AGBL4: variants seen among roughly 807,000 people sequenced by gnomAD.
AGBL4 encodes AGBL carboxypeptidase 4, also known as cytosolic carboxypeptidase 6.
AGBL4 carries 58 observed loss-of-function variants against 66.4 expected under a neutral mutation model. The ratio of observed to expected loss-of-function variants is 0.87; its 90% CI spans 0.71 to 1.09. The LOEUF is 1.09. Ranked by LOEUF, AGBL4 falls within the 50% of genes least tolerant of loss-of-function variation. AGBL4 has a pLI of 0.00. For missense variants in AGBL4, 579 were observed against 631.0 expected, an observed-to-expected ratio of 0.92 and a Z score of 0.88; for synonymous variants, 234 against 222.9, an observed-to-expected ratio of 1.05 and a Z score of -0.44.
chr1:49,957,343 G>C (rs1656698116), intron 1 of AGBL4, among the ~76,000 whole-genome samples: 1 of 152,032 alleles, frequency 6.6e-6, no homozygotes, highest in Non-Finnish European at 1.5e-5. Flanking sequence ...CTGTTGATTT[G>C]GGGTGGAGAG....
chr1:49,838,279 T>C (rs1476543934), intron 2 of AGBL4, among the ~76,000 whole-genome samples: 1 of 152,142 alleles, frequency 6.6e-6, no homozygotes, highest in African/African-American at 2.4e-5. Flanking sequence ...GGCAAAACCA[T>C]GAATGTAGGT....
Position 49,414,955 on chromosome 1 carries a change from T to C in AGBL4, c.283-169091A>G, listed in dbSNP as rs540713474. 2.7e-4 allele frequency among the ~76,000 whole-genome samples: 41 copies of C among 152,276 alleles called. No individual in the cohort carries two copies. The South Asian group carries it at 3.9e-3, about 15-fold the overall frequency. On this transcript the variant is annotated intron_variant, in intron 3 of 13. Transcript: ENST00000371839. ...TATAAGGATGACAATAATATTTACT[T>C]GAGTCTGAGGCATCATCAAATGCTA...
At chr1:49,405,848 T>A (rs754284018) in intron 3 of AGBL4, among the ~76,000 whole-genome samples, 82 of 152,242 alleles carry the variant, frequency 5.4e-4, no homozygotes, top group Non-Finnish European at 1.0e-3. Context: ...CAGTACATGA[T>A]GCCATTTGTA....
intron 11 of AGBL4, chr1:48,586,730 G>T (rs965514721): frequency 7.4e-6 from 3 of 403,394 alleles, no homozygotes; most frequent in Non-Finnish European, 1.4e-5. Flanking sequence ...GAGAAGAGAG[G>T]GGAGAGAGAT....
At chr1:48,805,648 T>C (rs942426732) in intron 6 of AGBL4, among the ~76,000 whole-genome samples, 6 of 152,172 alleles carry the variant, frequency 3.9e-5, no homozygotes, top group Non-Finnish European at 1.5e-5. Flanking sequence ...TGTGTGATTT[T>C]CCAGCTATGT....
chr1:49,806,604 T>C (rs1170840639), intron 2 of AGBL4, among the ~76,000 whole-genome samples: 2 of 152,212 alleles, frequency 1.3e-5, no homozygotes, highest in African/African-American at 2.4e-5. Flanking sequence ...TGGGAGAGAA[T>C]ACTAATGGTG....
intron 2 of AGBL4, among the ~76,000 whole-genome samples, chr1:49,786,291 C>T (rs1644453359): frequency 6.6e-6 from 1 of 152,026 alleles, no homozygotes; most frequent in Non-Finnish European, 1.5e-5. Flanking sequence ...TTTTATCTTA[C>T]GGTTATGAGC....
chr1:49,305,696 T>C (rs1315946324), intron 3 of AGBL4, among the ~76,000 whole-genome samples: 3 of 31,740 alleles, frequency 9.5e-5, no homozygotes, highest in Non-Finnish European at 3.2e-4. Flanking sequence ...TAATCATTCC[T>C]TTTTTTTTTT....
At chr1:49,962,259 A>T (rs1657179243) in intron 1 of AGBL4, among the ~76,000 whole-genome samples, 1 of 152,166 alleles carries the variant, frequency 6.6e-6, no homozygotes, top group Non-Finnish European at 1.5e-5. Flanking sequence ...GTTGTCTAAT[A>T]AAAAGAATCT....
chr1:49,948,065 A>AATATATAAAT lies in AGBL4; in HGVS notation c.34+75697_34+75698insATTTATATAT, dbSNP rs1655533628. Among the ~76,000 whole-genome samples the AATATATAAAT allele has an allele frequency of 1.5e-3, 99 of 64,122 alleles. 2 individuals are homozygous for AATATATAAAT. The highest frequency in any genetic ancestry group is 2.8e-3 in the African/African-American group (34 of 12,146). 42.1% of individuals were successfully genotyped at this position (64,122 alleles called of 152,430 possible). A position where few individuals can be genotyped will look rare whatever the true frequency, so the allele number is the denominator to read the frequency against. Reference sequence around the variant, plus strand: ...ATAAATATATAAATATATATATGTAAATATATGTAAATATATGTAAATATA... The same window carrying AATATATAAAT: ...ATAAATATATAAATATATATATGTAAATATATAAATATATATGTAAATATATGTAAATATA... On this transcript the variant is annotated intron_variant, in intron 1 of 13. Transcript: ENST00000371839.
chr1:48,528,535 G>A (rs756377208), downstream of AGBL4, among the ~76,000 whole-genome samples: 2 of 152,044 alleles, frequency 1.3e-5, no homozygotes, highest in Admixed American at 6.5e-5. Flanking sequence ...GGGCTGAACC[G>A]AGAGACAGAG....
chr1:48,903,960 C>T (rs563131735), intron 5 of AGBL4, among the ~76,000 whole-genome samples: 1 of 152,232 alleles, frequency 6.6e-6, no homozygotes, highest in African/African-American at 2.4e-5. Flanking sequence ...AAGCTAAACA[C>T]CTGAAAGAAA....
intron 4 of AGBL4, among the ~76,000 whole-genome samples, chr1:49,086,665 G>T (rs903121096): frequency 6.6e-6 from 1 of 151,922 alleles, no homozygotes; most frequent in Non-Finnish European, 1.5e-5. Context: ...CTAGACAGCA[G>T]AGTGGGCAAC....
chr1:49,116,104 T>A (rs553006630), intron 4 of AGBL4, among the ~76,000 whole-genome samples: 180 of 152,350 alleles, frequency 1.2e-3, no homozygotes, highest in South Asian at 8.5e-3. Flanking sequence ...CTATGATTTT[T>A]TAAAAATCTC....
intron 2 of AGBL4, among the ~76,000 whole-genome samples, chr1:49,739,588 C>G (rs926795476): frequency 6.6e-6 from 1 of 152,090 alleles, no homozygotes; most frequent in Non-Finnish European, 1.5e-5. Context: ...AGAGCAACTC[C>G]AAGACACATA....
chr1:49,812,616 C>A (rs1645126453), intron 2 of AGBL4, among the ~76,000 whole-genome samples: 2 of 152,164 alleles, frequency 1.3e-5, no homozygotes, highest in Admixed American at 1.3e-4. Context: ...GAGGAAGGAA[C>A]ACTGGACTAG....
chr1:48,686,355 T>G (rs1241253495), intron 6 of AGBL4, among the ~76,000 whole-genome samples: 1 of 152,240 alleles, frequency 6.6e-6, no homozygotes, highest in East Asian at 1.9e-4. Flanking sequence ...GGATGCTCTT[T>G]GCACTTTGTC....
At chr1:48,831,451 G>A (rs560863720) in intron 6 of AGBL4, among the ~76,000 whole-genome samples, 1 of 152,162 alleles carries the variant, frequency 6.6e-6, no homozygotes, top group Non-Finnish European at 1.5e-5. Context: ...AGCCAAGTTC[G>A]ACTATTACTT....
chr1:49,760,259 G>T (rs190652064), intron 2 of AGBL4, among the ~76,000 whole-genome samples: 1 of 152,258 alleles, frequency 6.6e-6, no homozygotes, highest in African/African-American at 2.4e-5. Flanking sequence ...TGTTCACTCT[G>T]ATGATAGTTT....
Sources: allele counts gnomAD v4.1 joint callset (sites outside exome capture counted in the v4.1 genomes callset), GRCh38; gene constraint gnomAD v4.1.1; transcripts MANE v1.5; gene names NCBI Gene and HGNC (gene_info 2026-07-23, HGNC 2026-07-21).